FAM110B: variants seen among roughly 807,000 people sequenced by gnomAD.
The protein encoded by FAM110B is protein FAM110B.
Under a neutral mutation model 20.4 loss-of-function variants are expected in FAM110B, and 6 were observed. The ratio of observed to expected loss-of-function variants is 0.29; its 90% CI spans 0.16 to 0.58. The LOEUF (loss-of-function observed/expected upper bound fraction) is 0.58, where lower values mean the gene tolerates loss of function less well. FAM110B is among the 20% of genes least tolerant of loss of function. The pLI, the probability that FAM110B is intolerant of heterozygous loss-of-function variation, is 0.90. For synonymous variants in FAM110B, 226 were observed against 214.1 expected (o/e 1.06, Z -0.49); for missense variants, 434 against 498.2 (o/e 0.87, Z 1.23).
intron 2 of FAM110B, among the ~76,000 whole-genome samples, chr8:58,072,051 G>A (rs1386710835): frequency 2.0e-5 from 3 of 152,178 alleles, no homozygotes; most frequent in Non-Finnish European, 4.4e-5. Flanking sequence ...TGGATGTGCA[G>A]AAAAACCTTT....
chr8:58,096,968 C>G (rs1806648968), intron 3 of FAM110B, among the ~76,000 whole-genome samples: 2 of 152,122 alleles, frequency 1.3e-5, no homozygotes, highest in African/African-American at 4.8e-5. Flanking sequence ...TCTGGCTGCC[C>G]TTATCATTTT....
intron 3 of FAM110B, among the ~76,000 whole-genome samples, chr8:58,127,426 G>T (rs544506061): frequency 1.3e-5 from 2 of 152,024 alleles, no homozygotes; most frequent in Non-Finnish European, 2.9e-5. Flanking sequence ...GCATAAGCTC[G>T]CAAATAACTG....
At chr8:58,012,815 A>G (rs866034663) in intron 1 of FAM110B, among the ~76,000 whole-genome samples, 13 of 152,040 alleles carry the variant, frequency 8.6e-5, no homozygotes, top group Non-Finnish European at 1.3e-4. Context: ...TTGTTTGGGG[A>G]GTGGAGGAGT....
At chr8:58,024,489 T>C (rs1440143548) in intron 1 of FAM110B, among the ~76,000 whole-genome samples, 1 of 152,236 alleles carries the variant, frequency 6.6e-6, no homozygotes. Flanking sequence ...TTTTTACATA[T>C]ATTATTTTGT....
At chr8:58,021,400 C>T (rs141147005) in intron 1 of FAM110B, among the ~76,000 whole-genome samples, 19 of 152,118 alleles carry the variant, frequency 1.2e-4, no homozygotes, top group African/African-American at 4.3e-4. Flanking sequence ...TAGGACTTGC[C>T]CTGAGACACT....
chr8:57,999,516 T>G (rs1193256368), intron 1 of FAM110B, among the ~76,000 whole-genome samples: 1 of 151,406 alleles, frequency 6.6e-6, no homozygotes, highest in Non-Finnish European at 1.5e-5. Flanking sequence ...TTCTCGCCAG[T>G]GATTTTTTTT....
intron 2 of FAM110B, among the ~76,000 whole-genome samples, chr8:58,048,806 A>T (rs1241558650): frequency 6.6e-6 from 1 of 152,216 alleles, no homozygotes; most frequent in Non-Finnish European, 1.5e-5. Context: ...GATGTTAAAC[A>T]TCTGATCACT....
chr8:58,115,299 AG>A (rs1807173987), intron 3 of FAM110B, among the ~76,000 whole-genome samples: 1 of 152,222 alleles, frequency 6.6e-6, no homozygotes, highest in Non-Finnish European at 1.5e-5. Flanking sequence ...TTCTATACAC[AG>A]CACAGGTGGA....
At chr8:58,084,907 AG>A (rs1448899327) in intron 3 of FAM110B, among the ~76,000 whole-genome samples, 4 of 152,190 alleles carry the variant, frequency 2.6e-5, no homozygotes, top group African/African-American at 9.6e-5. Flanking sequence ...TTGGTTTCTA[AG>A]CATAGTACAA....
At chr8:58,081,239 CT>C (rs1475575663) in intron 3 of FAM110B, among the ~76,000 whole-genome samples, 2 of 152,154 alleles carry the variant, frequency 1.3e-5, no homozygotes, top group Non-Finnish European at 2.9e-5. Context: ...CACAGTCTGG[CT>C]CTGTTGCCCA....
At chr8:58,118,232 A>G (rs901731015) in intron 3 of FAM110B, among the ~76,000 whole-genome samples, 2 of 152,148 alleles carry the variant, frequency 1.3e-5, no homozygotes, top group African/African-American at 4.8e-5. Context: ...CTGTGACATT[A>G]CTTTCCAGAC....
At chr8:58,026,255 A>G (rs746712300) in intron 1 of FAM110B, among the ~76,000 whole-genome samples, 80 of 152,148 alleles carry the variant, frequency 5.3e-4, no homozygotes, top group Non-Finnish European at 6.5e-4. Context: ...CTTTTTTCAC[A>G]TAAAATAGTT....
intron 1 of FAM110B, among the ~76,000 whole-genome samples, chr8:58,027,922 G>A (rs1227235687): frequency 5.9e-5 from 9 of 152,168 alleles, no homozygotes; most frequent in Admixed American, 5.9e-4. Context: ...GCAAATCTTT[G>A]TGTGGAATCT....
At chr8:58,006,955 A>T (rs987195547) in intron 1 of FAM110B, among the ~76,000 whole-genome samples, 2 of 138,988 alleles carry the variant, frequency 1.4e-5, no homozygotes, top group African/African-American at 5.5e-5. Context: ...CATTTTGGTC[A>T]GCTGATATGG....
At chr8:58,101,357 C>A (rs1052094656) in intron 3 of FAM110B, among the ~76,000 whole-genome samples, 7 of 152,242 alleles carry the variant, frequency 4.6e-5, no homozygotes, top group Middle Eastern at 3.4e-3. Context: ...TGCCAAGCTC[C>A]AAAAAGCAGT....
intron 1 of FAM110B, among the ~76,000 whole-genome samples, chr8:58,001,419 A>T (rs1002871532): frequency 7.9e-5 from 12 of 152,248 alleles, no homozygotes; most frequent in Middle Eastern, 6.8e-3. Context: ...TTCAGTATAC[A>T]CATAGCATTT....
chr8:58,055,948 G>C (rs1193360448), intron 2 of FAM110B, among the ~76,000 whole-genome samples: 1 of 152,248 alleles, frequency 6.6e-6, no homozygotes, highest in East Asian at 1.9e-4. Flanking sequence ...TGAAGTTGCA[G>C]CTTCCAGTAT....
chr8:58,140,705 G>A (rs934504889), intron 3 of FAM110B, among the ~76,000 whole-genome samples: 5 of 152,164 alleles, frequency 3.3e-5, no homozygotes, highest in African/African-American at 1.2e-4. Flanking sequence ...GCCTCTGACC[G>A]CTGTCCCCTA....
intron 3 of FAM110B, among the ~76,000 whole-genome samples, chr8:58,091,903 C>A (rs1454603128): frequency 6.6e-6 from 1 of 152,048 alleles, no homozygotes. Flanking sequence ...TAACTCCATA[C>A]CAGTTTTAAA....
Sources: allele counts gnomAD v4.1 joint callset (sites outside exome capture counted in the v4.1 genomes callset), GRCh38; gene constraint gnomAD v4.1.1; transcripts MANE v1.5; gene names NCBI Gene and HGNC (gene_info 2026-07-23, HGNC 2026-07-21).